SBNO2: variants seen among roughly 807,000 people sequenced by gnomAD.
SBNO2 encodes strawberry notch homolog 2.
A neutral mutation model predicts 146.3 loss-of-function variants in SBNO2; 89 were observed. The ratio of observed to expected loss-of-function variants is 0.61; its 90% CI spans 0.51 to 0.73. The LOEUF (loss-of-function observed/expected upper bound fraction) is 0.73. SBNO2 is among the 30% of genes least tolerant of loss of function. The pLI is 0.00. For synonymous variants in SBNO2, 1,147 were observed against 892.6 expected (o/e 1.29, Z -5.08); for missense variants, 2,092 against 2,003.7 (o/e 1.04, Z -0.84).
At chr19:1,142,169 A>C (rs1023977356) in intron 4 of SBNO2, among the ~76,000 whole-genome samples, 3 of 4,458 alleles carry the variant, frequency 6.7e-4, no homozygotes, top group Admixed American at 5.7e-3. Flanking sequence ...TCACTCAATG[A>C]CCTCCCTCCC....
In SBNO2 at chr19:1,144,487, T is replaced by G. The variant is rs1371186857; in HGVS notation, c.279+2822A>C. On this transcript the variant is annotated intron_variant, in intron 4 of 31. Transcript: ENST00000361757. The surrounding 1 kb of genome is among the most constrained non-coding windows in gnomAD (Gnocchi z 4.1). ...GCTGAACAGATGCAGCAGCAATTGT[T>G]CAGGAGGGGAGGAGCAGGAGAATTC... Among the ~76,000 whole-genome samples the G allele has an allele frequency of 6.6e-6, 1 of 151,836 alleles. No individual in the cohort carries two copies. The highest frequency in any genetic ancestry group is 1.5e-5 in the Non-Finnish European group (1 of 67,964).
rs1290270832 is a variant in SBNO2 at position 1,140,491 on chromosome 19, C to T, written c.279+6818G>A. Among the ~76,000 whole-genome samples, 4 of 152,102 alleles carry T rather than the reference C, an allele frequency of 2.6e-5. No individual in the cohort carries two copies. The highest frequency in any genetic ancestry group is 5.9e-5 in the Non-Finnish European group (4 of 67,998). ...GCAGAAGTGAGGGGGGCCCTTCCTC[C>T]GGGCCAGGGTGGCTGGAGGGCCGGG... is the stretch of plus-strand genomic sequence containing the variant. On this transcript the variant is annotated intron_variant, in intron 4 of 31. Coordinates refer to ENST00000361757, the MANE Select transcript of SBNO2 (RefSeq NM_014963.3). The surrounding 1 kb of genome is among the most constrained non-coding windows in gnomAD (Gnocchi z 4.4).
intron 2 of SBNO2, among the ~76,000 whole-genome samples, chr19:1,153,896 CT>C (rs1348292680): frequency 2.6e-5 from 4 of 152,200 alleles, no homozygotes; most frequent in African/African-American, 9.6e-5. Context: ...TGAGCCCCCC[CT>C]ACAGCTGACG....
intron 2 of SBNO2, among the ~76,000 whole-genome samples, chr19:1,152,585 G>C (rs1031586279): frequency 6.6e-6 from 1 of 151,438 alleles, no homozygotes; most frequent in African/African-American, 2.4e-5. Flanking sequence ...AGGGACTCAG[G>C]AACTAGGGAG....
chr19:1,142,628 C>T (rs923439723), intron 4 of SBNO2, among the ~76,000 whole-genome samples: 3 of 152,116 alleles, frequency 2.0e-5, no homozygotes, highest in African/African-American at 7.2e-5. Context: ...TGCAGTGAGC[C>T]GAGATTGCAC....
rs2079713330 is a variant in SBNO2, at chr19:1,108,901, T to C, written c.3494A>G (p.Tyr1165Cys). The C allele has an allele frequency of 1.3e-6, 2 of 1,583,930 alleles. No homozygotes were observed. The highest frequency in any genetic ancestry group is 1.7e-6 in the Non-Finnish European group (2 of 1,172,438). Residue 1165 changes from tyrosine (Y) to cysteine (C), a missense_variant, in exon 31 of 32, where the codon TAC becomes TGC. Transcript: ENST00000361757. ...GCGCAGCAGCGCGCCGCACAGCATG[T>C]AGTGGTGCCGCAGCCGCAGCCCCTG... ...CLQGLRLRHH[Y>C]MLCGALLRVW...
Position 1,108,939 on chromosome 19 carries a change from A to G in SBNO2, c.3456T>C (p.Gly1152=), listed in dbSNP as rs769521843. The G allele has an allele frequency of 2.6e-6, 4 of 1,557,322 alleles. No individual in the cohort carries two copies. The East Asian group carries it at 9.5e-5, about 37-fold the overall frequency. ...WNRHCRLAQE[G]KDCLQGLRLR... is the part of the protein sequence containing the mutation. ...GCCGCAGCCCCTGCAGGCAGTCCTT[A>G]CCCTCCTGCGCCAGCCGGCAGTGCC... Residue 1152 remains glycine, a synonymous_variant, in exon 31 of 32, where the codon GGT becomes GGC. Coordinates refer to ENST00000361757, the MANE Select transcript of SBNO2 (RefSeq NM_014963.3).
intron 4 of SBNO2, among the ~76,000 whole-genome samples, chr19:1,134,568 AT>A (rs1301483195): frequency 6.6e-6 from 1 of 152,118 alleles, no homozygotes; most frequent in Non-Finnish European, 1.5e-5. Flanking sequence ...GTGTGAGGCC[AT>A]TTCTATGAAA....
rs2079744783 is a variant in SBNO2 at position 1,110,597 on chromosome 19, A to T, written c.3028+148T>A. On this transcript the variant is annotated intron_variant, in intron 26 of 31. Transcript: ENST00000361757. This position sits in a 1 kb window ranked among gnomAD's most constrained non-coding sequence, Gnocchi z 4.9. ...CGGCGTTCCCACGAGCCCCTCGCCC[A>T]CCCGGGATGCACGGTGTTCCCACGA... 1.1e-6 allele frequency: 1 copy of T among 929,576 alleles called. No homozygotes were observed. 57.6% of individuals were successfully genotyped at this position (929,576 alleles called of 1,614,324 possible). A position where few individuals can be genotyped will look rare whatever the true frequency, so the allele number is the denominator to read the frequency against.
At position 1,108,375 on chromosome 19, in the gene SBNO2, G is replaced by A. The variant is rs1293060019; in HGVS notation, c.3946C>T (p.Leu1316=). 1.1e-5 allele frequency: 14 copies of A among 1,291,084 alleles called. No homozygotes were observed. The highest frequency in any genetic ancestry group is 3.9e-5 in the East Asian group (1 of 25,346). 80.0% of individuals were successfully genotyped at this position (1,291,084 alleles called of 1,614,324 possible). ...QGCDINFKEV[L]EDMLRSLHAG... ...TGCAGCGAGCGCAGCATGTCCTCCA[G>A]CACCTCCTTGAAGTTGATGTCGCAG... The change falls in exon 32 of 32, where the codon CTG becomes TTG. Residue 1316 remains leucine (L), a synonymous_variant. Transcript: ENST00000361757.
intron 7 of SBNO2, 110 bp from the exon 8 acceptor site, chr19:1,123,155 T>C (rs551804881): frequency 1.2e-4 from 157 of 1,269,532 alleles, no homozygotes; most frequent in Non-Finnish European, 1.5e-4. Context: ...GGCGGGGCAG[T>C]TTGGGGGCGT....
rs1242167939 is a variant in SBNO2, at chr19:1,122,693, C to T, written c.879G>A (p.Leu293=). The part of the protein sequence containing the change: ...GKGRTVAGVI[L]ENHLRGRKKA... ...TCTTCCGGCCGCGCAGGTGGTTCTC[C>T]AGGATGACTCCGGCCACCGTCCGGC... Residue 293 remains leucine (L), a synonymous_variant, in exon 9 of 32, where the codon CTG becomes CTA. Transcript: ENST00000361757. 41 of 1,536,252 alleles carry T rather than the reference C, an allele frequency of 2.7e-5. No homozygotes were observed. The highest frequency in any genetic ancestry group is 3.5e-5 in the Non-Finnish European group (40 of 1,146,366).
rs1568631401 is a variant in SBNO2 at position 1,157,390 on chromosome 19, G to GAGACGCTCTCCCCACGCGGCCCCGA, written c.-126-2989_-126-2988insTCGGGGCCGCGTGGGGAGAGCGTCT. ...GGAGACCCTCTGCCACGCAGCCCCG[G>GAGACGCTCTCCCCACGCGGCCCCGA]AGACGCTCTCCCCACGCGGCCCCGG... On this transcript the variant is annotated intron_variant, in intron 1 of 31. Coordinates refer to ENST00000361757, the MANE Select transcript of SBNO2 (RefSeq NM_014963.3). This position sits in a 1 kb window ranked among gnomAD's most constrained non-coding sequence, Gnocchi z 6.8. Among the ~76,000 whole-genome samples the GAGACGCTCTCCCCACGCGGCCCCGA allele has an allele frequency of 2.9e-5, 4 of 136,794 alleles. No individual in the cohort carries two copies. The highest frequency in any genetic ancestry group is 6.7e-4 in the East Asian group (2 of 3,002). 89.7% of individuals were successfully genotyped at this position (136,794 alleles called of 152,430 possible).
Position 1,159,091 on chromosome 19 carries a change from A to C in SBNO2, c.-126-4689T>G, listed in dbSNP as rs905239080. ...ACCGCCGCCCCACAGCCGTGACCCC[A>C]CCTGCAGCTATGACCACCGCACACT... On this transcript the variant is annotated intron_variant, in intron 1 of 31. Coordinates refer to ENST00000361757, the MANE Select transcript of SBNO2 (RefSeq NM_014963.3). 7.2e-5 allele frequency among the ~76,000 whole-genome samples: 11 copies of C among 151,820 alleles called. No homozygotes were observed. In the South Asian group the frequency reaches 2.1e-3, roughly 29 times the overall value.
At chr19:1,161,739 A>T (rs958153967) in intron 1 of SBNO2, among the ~76,000 whole-genome samples, 1 of 151,822 alleles carries the variant, frequency 6.6e-6, no homozygotes, top group Non-Finnish European at 1.5e-5. Context: ...GTCTGCTGCC[A>T]AGGTTATCAG....
At chr19:1,135,045 CAAAA>C (rs201799961) in intron 4 of SBNO2, among the ~76,000 whole-genome samples, 6 of 51,282 alleles carry the variant, frequency 1.2e-4, no homozygotes, top group East Asian at 8.9e-4. Flanking sequence ...GACTCTGTCT[CAAAA>C]AAAAAAAAAA....
In SBNO2 at chr19:1,157,331, C is replaced by T. The variant is rs551529415; in HGVS notation, c.-126-2929G>A. On this transcript the variant is annotated intron_variant, in intron 1 of 31. Transcript: ENST00000361757. The surrounding 1 kb of genome is among the most constrained non-coding windows in gnomAD (Gnocchi z 6.8). ...GAACACCCCAACGCAGCCTCTGCCACGCAGCCCCGGAGACGCTCTCCCCAC... is the reference window on the plus strand; with the variant it reads ...GAACACCCCAACGCAGCCTCTGCCATGCAGCCCCGGAGACGCTCTCCCCAC... Among the ~76,000 whole-genome samples the T allele has an allele frequency of 6.7e-3, 1,021 of 151,406 alleles. 6 individuals carry two copies. Among genetic ancestry groups the T allele is most frequent in the Non-Finnish European group, 0.011 (749 of 67,944 alleles).
intron 1 of SBNO2, among the ~76,000 whole-genome samples, chr19:1,162,332 T>C (rs367547241): frequency 2.8e-4 from 41 of 146,532 alleles, no homozygotes; most frequent in East Asian, 1.8e-3. Context: ...TGGTGGCGGG[T>C]GCCTGTAGTC....
At chr19:1,152,441 C>A (rs1017576298) in intron 2 of SBNO2, among the ~76,000 whole-genome samples, 2 of 152,146 alleles carry the variant, frequency 1.3e-5, no homozygotes, top group Admixed American at 6.6e-5. Flanking sequence ...AAGCTCCTGG[C>A]GGGTTTCGGG....
Sources: gnomAD v4.1 joint callset for allele counts (sites outside exome capture counted in the v4.1 genomes callset) on GRCh38, gnomAD v4.1.1 for gene constraint, Gnocchi (gnomAD v3.1) non-coding constraint, MANE v1.5 for transcripts, NCBI Gene and HGNC (gene_info 2026-07-23, HGNC 2026-07-21) for gene names.